The following SGTB variants were observed in gnomAD, a reference collection of about 807,000 sequenced individuals.
SGTB encodes small glutamine rich tetratricopeptide repeat co-chaperone beta.
SGTB carries 19 observed loss-of-function variants against 43.9 expected under a neutral mutation model. The observed-to-expected ratio is 0.43, with a 90% confidence interval of 0.30 to 0.63. SGTB has a LOEUF of 0.63. Among genes scored for constraint, SGTB ranks in the 30% least tolerant of loss-of-function variants. The pLI, the probability that SGTB is intolerant of heterozygous loss-of-function variation, is 0.12. For synonymous variants in SGTB, 116 were observed against 117.3 expected (o/e 0.99, Z 0.07); for missense variants, 304 against 358.9 (o/e 0.85, Z 1.24).
intron 2 of SGTB, among the ~76,000 whole-genome samples, chr5:65,720,163 C>T (rs1407368500): frequency 6.6e-6 from 1 of 150,504 alleles, no homozygotes; most frequent in South Asian, 2.1e-4. Flanking sequence ...CTCACTGCAA[C>T]CTCCACCTCC....
intron 2 of SGTB, among the ~76,000 whole-genome samples, chr5:65,716,027 C>T (rs1406391666): frequency 6.6e-6 from 1 of 152,216 alleles, no homozygotes; most frequent in East Asian, 1.9e-4. Context: ...GCCTCGGCCT[C>T]CCGAAGTACT....
At chr5:65,717,403 A>G (rs10065420) in intron 2 of SGTB, among the ~76,000 whole-genome samples, 1,604 of 152,074 alleles carry the variant, frequency 0.011, 43 homozygotes, top group African/African-American at 0.037. Flanking sequence ...TGAAAATTTT[A>G]TGATGTAAGA....
chr5:65,679,484 G>A (rs1259450608), intron 8 of SGTB, among the ~76,000 whole-genome samples: 1 of 152,158 alleles, frequency 6.6e-6, no homozygotes, highest in Admixed American at 6.5e-5. Flanking sequence ...AGGCATGGTT[G>A]TGGGTGCCTA....
At position 65,680,680 on chromosome 5, in the gene SGTB, C is replaced by A. The variant is rs1013017853; in HGVS notation, c.594G>T (p.Gln198His). ...CAGGACTGGATACCTCTCTTAACTT[C>A]TGTTCTGCTATTTTCAGATTTGACT... ...SYKSNLKIAE[Q>H]KLREVSSPTG... Residue 198 changes from glutamine (Q) to histidine (H), a missense_variant, in exon 7 of 11, where the codon CAG (glutamine) becomes CAT (histidine). Transcript: ENST00000381007. The A allele has an allele frequency of 3.1e-6, 5 of 1,614,066 alleles. No individual in the cohort carries two copies. The highest frequency in any genetic ancestry group is 4.2e-6 in the Non-Finnish European group (5 of 1,179,990).
chr5:65,716,772 T>C (rs1758160359), intron 2 of SGTB, among the ~76,000 whole-genome samples: 1 of 152,136 alleles, frequency 6.6e-6, no homozygotes, highest in Non-Finnish European at 1.5e-5. Flanking sequence ...CTTGGATATA[T>C]AAGACCTTCA....
At chr5:65,672,176 T>G (rs1757172237) in intron 9 of SGTB, 68 bp downstream of exon 9, 1 of 1,600,260 alleles carries the variant, frequency 6.2e-7, no homozygotes, top group Admixed American at 1.7e-5. Context: ...TGAGCTGATG[T>G]GCTCAAATTA....
chr5:65,705,119 G>T (rs1400117985), intron 4 of SGTB, among the ~76,000 whole-genome samples: 1 of 152,140 alleles, frequency 6.6e-6, no homozygotes, highest in Non-Finnish European at 1.5e-5. Flanking sequence ...AAATGAAAAA[G>T]TAGTGTCCTC....
At chr5:65,718,307 T>C (rs1758189172) in intron 2 of SGTB, among the ~76,000 whole-genome samples, 1 of 152,158 alleles carries the variant, frequency 6.6e-6, no homozygotes, top group South Asian at 2.1e-4. Flanking sequence ...CACCCAGTTG[T>C]GACAATCAGA....
At chr5:65,719,401 G>C (rs928340876) in intron 2 of SGTB, among the ~76,000 whole-genome samples, 1 of 152,014 alleles carries the variant, frequency 6.6e-6, no homozygotes, top group Non-Finnish European at 1.5e-5. Context: ...AACAGCCTGG[G>C]CAACATGGCG....
chr5:65,704,049 A>AAAAAATAAAT (rs1554025721), intron 5 of SGTB, among the ~76,000 whole-genome samples: 1 of 139,634 alleles, frequency 7.2e-6, no homozygotes, highest in Admixed American at 7.2e-5. Context: ...AAAAAAAAAA[A>AAAAAATAAAT]AAATAAATAA....
At position 65,666,334 on chromosome 5, in the gene SGTB, A is replaced by G. The variant is rs982674772; in HGVS notation, c.*3912T>C. 6.6e-6 allele frequency: 1 copy of G among 152,160 alleles called. No homozygotes were observed. The highest frequency in any genetic ancestry group is 1.5e-5 in the Non-Finnish European group (1 of 68,000). 9.4% of individuals were successfully genotyped at this position (152,160 alleles called of 1,614,324 possible). On this transcript the variant is annotated 3_prime_UTR_variant, in exon 11 of 11. Transcript: ENST00000381007. ...AAGATTAAATAATGCCATCTTAGAA[A>G]GGATCTGTTTAACCTATATTATAAA... is the stretch of plus-strand genomic sequence containing the variant.
chr5:65,671,224 G>GA (rs1160070277), intron 10 of SGTB, among the ~76,000 whole-genome samples: 1 of 151,976 alleles, frequency 6.6e-6, no homozygotes, highest in African/African-American at 2.4e-5. Flanking sequence ...TCTTCATTGG[G>GA]AAAAAATGGG....
intron 5 of SGTB, among the ~76,000 whole-genome samples, chr5:65,697,971 T>C (rs1757743105): frequency 6.6e-6 from 1 of 152,168 alleles, no homozygotes; most frequent in South Asian, 2.1e-4. Flanking sequence ...AGAAAATATG[T>C]ATGATTTCTT....
intron 2 of SGTB, among the ~76,000 whole-genome samples, chr5:65,717,561 T>C (rs762446560): frequency 6.6e-6 from 1 of 151,674 alleles, no homozygotes; most frequent in Non-Finnish European, 1.5e-5. Flanking sequence ...AGGCCGAGTA[T>C]GTGGGTGCCA....
At chr5:65,683,903 G>A (rs1180173972) in intron 6 of SGTB, among the ~76,000 whole-genome samples, 4 of 150,754 alleles carry the variant, frequency 2.7e-5, no homozygotes, top group African/African-American at 9.7e-5. Flanking sequence ...CTGAGATCGC[G>A]CCACTGCACT....
At chr5:65,722,242 TG>T, upstream of SGTB, 2 of 531,366 alleles carry the variant, frequency 3.8e-6, no homozygotes, top group Non-Finnish European at 6.1e-6. Context: ...GGGAGGGCGC[TG>T]GCCAGGCAGC....
Position 65,713,012 on chromosome 5 carries a change from G to C in SGTB, c.153C>G (p.His51Gln). Reference protein sequence around the residue: ...TVFKISPEDTHLAVSQPLTEM... With the variant: ...TVFKISPEDTQLAVSQPLTEM... ...CTGTCAAAGGCTGTGAAACTGCTAG[G>C]TGTGTATCTTCTGGGCTGATCTTAA... The change falls in exon 3 of 11, where the codon CAC (histidine) becomes CAG (glutamine). Residue 51 changes from histidine to glutamine, a missense_variant. Physicochemically the swap from His to Gln is conservative, Grantham distance 24. Coordinates refer to ENST00000381007, the MANE Select transcript of SGTB (RefSeq NM_019072.3). The C allele has an allele frequency of 6.2e-7, 1 of 1,613,820 alleles. No individual in the cohort carries two copies. Among genetic ancestry groups the C allele is most frequent in the Non-Finnish European group, 8.5e-7 (1 of 1,179,880 alleles).
At chr5:65,687,719 A>C (rs1415253757) in intron 5 of SGTB, among the ~76,000 whole-genome samples, 1 of 152,202 alleles carries the variant, frequency 6.6e-6, no homozygotes, top group African/African-American at 2.4e-5. Flanking sequence ...GCAAGGAATT[A>C]ACTGAATGAC....
intron 5 of SGTB, among the ~76,000 whole-genome samples, chr5:65,693,165 G>A (rs77482631): frequency 0.023 from 3,426 of 151,928 alleles, 126 homozygotes; most frequent in African/African-American, 0.077. Flanking sequence ...CTCCAGGCTG[G>A]GTGACAGAGT....
Sources: allele counts gnomAD v4.1 joint callset (sites outside exome capture counted in the v4.1 genomes callset), GRCh38; gene constraint gnomAD v4.1.1; transcripts MANE v1.5; gene names NCBI Gene and HGNC (gene_info 2026-07-23, HGNC 2026-07-21).